Variants in INO80C observed in about 807,000 individuals in gnomAD.
The protein encoded by INO80C is INO80 complex subunit C, also known as IES6 homolog.
INO80C carries 17 observed loss-of-function variants against 17.7 expected under a neutral mutation model. That is an observed-to-expected ratio of 0.96 (90% CI 0.66 to 1.44). INO80C has a LOEUF of 1.44. INO80C is among the 40% of genes most tolerant of loss of function. INO80C has a pLI of 0.00. For synonymous variants in INO80C, 96 were observed against 95.8 expected, an observed-to-expected ratio of 1.00 and a Z score of -0.01; for missense variants, 244 against 245.0, an observed-to-expected ratio of 1.00 and a Z score of 0.03.
intron 1 of INO80C, chr18:35,497,199 T>C (rs958968214): frequency 1.4e-5 from 4 of 283,612 alleles, no homozygotes; most frequent in African/African-American, 6.8e-5. Flanking sequence ...CATTACTTCA[T>C]AACCTTAACA....
At chr18:35,485,529 C>T (rs2045863151) in intron 1 of INO80C, among the ~76,000 whole-genome samples, 1 of 151,898 alleles carries the variant, frequency 6.6e-6, no homozygotes, top group Non-Finnish European at 1.5e-5. Context: ...AGGATGGTTA[C>T]AATCAAAGAC....
chr18:35,468,476 G>C lies in INO80C; in HGVS notation c.*135C>G. 1 of 1,473,752 alleles carries C rather than the reference G, an allele frequency of 6.8e-7. No homozygotes were observed. The highest frequency in any genetic ancestry group is 9.0e-7 in the Non-Finnish European group (1 of 1,114,852). The allele number at this position is 1,473,752 out of a possible 1,614,324, so 91.3% of individuals were successfully genotyped here. A position where few individuals can be genotyped will look rare whatever the true frequency, so the allele number is the denominator to read the frequency against. ...AAAAAAAAAAAACCCTTAAATTAAA[G>C]CCAAACATTCTTTCCAAGGCACAGC... On this transcript the variant is annotated 3_prime_UTR_variant, in exon 5 of 5. Coordinates refer to ENST00000334598, the MANE Select transcript of INO80C (RefSeq NM_194281.4).
intron 1 of INO80C, among the ~76,000 whole-genome samples, chr18:35,482,183 G>T (rs1284375891): frequency 6.6e-6 from 1 of 152,112 alleles, no homozygotes; most frequent in African/African-American, 2.4e-5. Context: ...TCCAAAGGTT[G>T]CATGCACCCT....
At chr18:35,492,028 A>G (rs1480726243) in intron 1 of INO80C, among the ~76,000 whole-genome samples, 1 of 152,196 alleles carries the variant, frequency 6.6e-6, no homozygotes, top group African/African-American at 2.4e-5. Context: ...ACCCAAATCA[A>G]TGGCTTCATC....
At chr18:35,471,004 C>A (rs1334314549) in intron 4 of INO80C, among the ~76,000 whole-genome samples, 2 of 152,218 alleles carry the variant, frequency 1.3e-5, no homozygotes, top group African/African-American at 4.8e-5. Flanking sequence ...CCAGAATACA[C>A]TTTTCATAGC....
chr18:35,476,466 G>A (rs2045737449), intron 4 of INO80C, among the ~76,000 whole-genome samples: 1 of 152,078 alleles, frequency 6.6e-6, no homozygotes, highest in Non-Finnish European at 1.5e-5. Flanking sequence ...ACTGAGTTTG[G>A]GTTATATGGG....
rs777141473 is a variant in INO80C at position 35,497,732 on chromosome 18, G to A, written c.143C>T (p.Ser48Phe). Reference protein sequence around the residue: ...GASKKKKASASSFAQGISMEA... With the variant: ...GASKKKKASAFSFAQGISMEA... The stretch of plus-strand genomic sequence containing the variant: ...GCGACTGCGTACCTGCGCAAAGCTG[G>A]AAGCGGACGCTTTTTTCTTCTTACT... The change falls in exon 1 of 5, where the codon TCC (serine) becomes TTC (phenylalanine). Residue 48 changes from serine (S) to phenylalanine (F), a missense_variant. Ser to Phe is a radical substitution (Grantham distance 155, BLOSUM62 -2). Coordinates refer to ENST00000334598, the MANE Select transcript of INO80C (RefSeq NM_194281.4). 1.2e-6 allele frequency: 2 copies of A among 1,612,378 alleles called. No individual in the cohort carries two copies. Among genetic ancestry groups the A allele is most frequent in the South Asian group, 1.1e-5 (1 of 90,996 alleles).
At chr18:35,472,206 T>A (rs2045679000) in intron 4 of INO80C, among the ~76,000 whole-genome samples, 1 of 152,244 alleles carries the variant, frequency 6.6e-6, no homozygotes, top group African/African-American at 2.4e-5. Context: ...TGAACTAGTT[T>A]ACACTCCCAC....
At position 35,468,554 on chromosome 18, in the gene INO80C, C is replaced by A; in HGVS notation, c.*57G>T. 1 of 1,606,072 alleles carries A rather than the reference C, an allele frequency of 6.2e-7. No homozygotes were observed. Among genetic ancestry groups the A allele is most frequent in the East Asian group, 2.2e-5 (1 of 44,590 alleles). On this transcript the variant is annotated 3_prime_UTR_variant, in exon 5 of 5. Transcript: ENST00000334598. ...CGAGTTTGTTTCCGTGAAACAAAAT[C>A]ATGAGTCCAGAGTCTGTTTTTGAAA...
intron 4 of INO80C, among the ~76,000 whole-genome samples, chr18:35,471,835 G>A (rs1329962531): frequency 4.5e-5 from 5 of 111,986 alleles, no homozygotes; most frequent in Middle Eastern, 6.5e-3. Context: ...ATTCCCACCT[G>A]AGTGACAACA....
chr18:35,470,709 G>GA (rs2045659916), intron 4 of INO80C, among the ~76,000 whole-genome samples: 1 of 152,186 alleles, frequency 6.6e-6, no homozygotes, highest in East Asian at 1.9e-4. Flanking sequence ...AGAATACAGA[G>GA]ATCCTGTGGC....
At chr18:35,469,979 T>C (rs1358749907) in intron 4 of INO80C, among the ~76,000 whole-genome samples, 3 of 152,198 alleles carry the variant, frequency 2.0e-5, no homozygotes, top group Non-Finnish European at 2.9e-5. Context: ...TCACTAACTA[T>C]ATACCTCAAA....
At chr18:35,496,085 C>G (rs2045978265) in intron 1 of INO80C, among the ~76,000 whole-genome samples, 1 of 152,206 alleles carries the variant, frequency 6.6e-6, no homozygotes, top group African/African-American at 2.4e-5. Context: ...AACAGTGCAA[C>G]TACTTTGAGA....
At chr18:35,477,847 T>A (rs1422112338) in intron 4 of INO80C, among the ~76,000 whole-genome samples, 1 of 152,174 alleles carries the variant, frequency 6.6e-6, no homozygotes, top group East Asian at 1.9e-4. Flanking sequence ...TTGGATTCTG[T>A]AAAAGATTTC....
chr18:35,474,220 T>TAC (rs1598737124), intron 4 of INO80C, among the ~76,000 whole-genome samples: 1 of 117,614 alleles, frequency 8.5e-6, no homozygotes, highest in East Asian at 2.1e-4. Flanking sequence ...TATATATATA[T>TAC]ATATATATAT....
At chr18:35,485,978 AAGT>A (rs2045870002) in intron 1 of INO80C, among the ~76,000 whole-genome samples, 1 of 152,134 alleles carries the variant, frequency 6.6e-6, no homozygotes, top group African/African-American at 2.4e-5. Flanking sequence ...TAAAATAAAA[AAGT>A]AACCAGTTGT....
Position 35,479,406 on chromosome 18 carries a change from AG to A in INO80C, c.272del (p.Ser91LeufsTer7). The A allele has an allele frequency of 6.2e-7, 1 of 1,611,298 alleles. No individual in the cohort carries two copies. Among genetic ancestry groups the A allele is most frequent in the Non-Finnish European group, 8.5e-7 (1 of 1,177,456 alleles). On this transcript the variant is annotated frameshift_variant, in exon 3 of 5. Transcript: ENST00000334598. LOFTEE classifies it high-confidence loss of function. ...TGCCAGCTACTGCGCCACCGTGGCC[AG>A]AGTGCTTGAATTGAAGGCATGGATT... Reference protein sequence around the residue: ...LPFKDPNFVHSGHGGAVAGKK... With the variant: ...LPFKDPNFVHXGHGGAVAGKK...
intron 1 of INO80C, among the ~76,000 whole-genome samples, chr18:35,484,961 A>G (rs960568787): frequency 6.6e-6 from 1 of 152,078 alleles, no homozygotes; most frequent in East Asian, 1.9e-4. Flanking sequence ...ATAGAAATTT[A>G]TTTTCTCCAG....
intron 1 of INO80C, among the ~76,000 whole-genome samples, chr18:35,496,343 A>C (rs1598754268): frequency 6.6e-6 from 1 of 152,268 alleles, no homozygotes. Context: ...AGACAGATGC[A>C]AAAGAATATG....
Sources: allele counts gnomAD v4.1 joint callset (sites outside exome capture counted in the v4.1 genomes callset), GRCh38; gene constraint gnomAD v4.1.1; transcripts MANE v1.5; gene names NCBI Gene and HGNC (gene_info 2026-07-23, HGNC 2026-07-21).